Variants in TAFA1 observed in about 807,000 individuals in gnomAD.
TAFA1 encodes the protein TAFA chemokine like family member 1.
Under a neutral mutation model 18.5 loss-of-function variants are expected in TAFA1, and 4 were observed. The ratio of observed to expected loss-of-function variants is 0.22; its 90% CI spans 0.11 to 0.49. TAFA1 has a LOEUF of 0.49. Ranked by LOEUF, TAFA1 falls within the 20% of genes least tolerant of loss-of-function variation. TAFA1 has a pLI of 0.98. For missense variants in TAFA1, 147 were observed against 169.0 expected (o/e 0.87, Z 0.72); for synonymous variants, 56 against 55.2 (o/e 1.01, Z -0.06).
chr3:68,404,703 A>C (rs1327056203), intron 2 of TAFA1, among the ~76,000 whole-genome samples: 1 of 151,940 alleles, frequency 6.6e-6, no homozygotes, highest in African/African-American at 2.4e-5. Context: ...AGGCTGAGGA[A>C]GGAGGGTCGC....
intron 2 of TAFA1, among the ~76,000 whole-genome samples, chr3:68,123,372 G>A (rs1183395692): frequency 1.3e-5 from 2 of 152,054 alleles, no homozygotes; most frequent in South Asian, 2.1e-4. Flanking sequence ...AAAAACACAC[G>A]GATGAAGGAC....
chr3:68,396,652 C>T (rs1047342722), intron 2 of TAFA1, among the ~76,000 whole-genome samples: 1 of 152,112 alleles, frequency 6.6e-6, no homozygotes, highest in Non-Finnish European at 1.5e-5. Context: ...GGACTATAAT[C>T]AACAAAACTG....
chr3:68,234,311 G>T (rs962127686), intron 2 of TAFA1, among the ~76,000 whole-genome samples: 2 of 152,152 alleles, frequency 1.3e-5, no homozygotes, highest in South Asian at 4.1e-4. Context: ...TCAGAGGGAA[G>T]TTGCTTCTAT....
chr3:68,366,085 CAAAAAAAAAA>C (rs35861602), intron 2 of TAFA1, among the ~76,000 whole-genome samples: 2 of 93,852 alleles, frequency 2.1e-5, no homozygotes, highest in African/African-American at 8.4e-5. Flanking sequence ...GACTCCATCT[CAAAAAAAAAA>C]AAAAAAAAAG....
chr3:68,181,359 G>A (rs2066196834), intron 2 of TAFA1, among the ~76,000 whole-genome samples: 1 of 147,664 alleles, frequency 6.8e-6, no homozygotes, highest in South Asian at 2.1e-4. Context: ...GAGAAAGATG[G>A]TGCACTGACT....
intron 2 of TAFA1, among the ~76,000 whole-genome samples, chr3:68,399,195 T>C (rs1392133269): frequency 1.3e-5 from 2 of 152,220 alleles, no homozygotes; most frequent in Non-Finnish European, 2.9e-5. Flanking sequence ...TCCATTTCTT[T>C]TTCATGATTA....
At position 68,350,417 on chromosome 3, in the gene TAFA1, T is replaced by A. The variant is rs112821195; in HGVS notation, c.119-66863T>A. On this transcript the variant is annotated intron_variant, in intron 2 of 4. Coordinates refer to ENST00000478136, the MANE Select transcript of TAFA1 (RefSeq NM_213609.4). Reference sequence around the variant, plus strand: ...CAGAACAGAGTTTCTCAAAGGCTGGTCCTTGGACTTTTTGCAGTAGAATCA... The same window carrying A: ...CAGAACAGAGTTTCTCAAAGGCTGGACCTTGGACTTTTTGCAGTAGAATCA... 2.0e-5 allele frequency among the ~76,000 whole-genome samples: 3 copies of A among 152,286 alleles called. 1 individual carries two copies. The highest frequency in any genetic ancestry group is 7.2e-5 in the African/African-American group (3 of 41,572).
upstream of TAFA1, among the ~76,000 whole-genome samples, chr3:68,001,938 G>A (rs1162113703): frequency 6.6e-6 from 1 of 152,190 alleles, no homozygotes; most frequent in African/African-American, 2.4e-5. Context: ...GAAGAGATCT[G>A]AGGGTGTCAC....
At chr3:68,150,330 T>C (rs74397988) in intron 2 of TAFA1, among the ~76,000 whole-genome samples, 10,609 of 152,268 alleles carry the variant, frequency 0.07, 430 homozygotes, top group Middle Eastern at 0.13. Flanking sequence ...TAAAAATAAA[T>C]GCATCTCAAG....
At chr3:68,140,995 A>G (rs1254015676) in intron 2 of TAFA1, among the ~76,000 whole-genome samples, 1 of 152,178 alleles carries the variant, frequency 6.6e-6, no homozygotes, top group African/African-American at 2.4e-5. Flanking sequence ...ACCAAACCTG[A>G]GTTAGAGAAT....
At chr3:68,442,256 G>C (rs1216983696) in intron 3 of TAFA1, among the ~76,000 whole-genome samples, 1 of 152,130 alleles carries the variant, frequency 6.6e-6, no homozygotes, top group Non-Finnish European at 1.5e-5. Context: ...AGCTGCATCT[G>C]GAGAGGGCTT....
chr3:68,362,765 G>A (rs747919436), intron 2 of TAFA1, among the ~76,000 whole-genome samples: 6 of 152,044 alleles, frequency 3.9e-5, no homozygotes, highest in Non-Finnish European at 8.8e-5. Context: ...ACAAGTGGTT[G>A]GTGGATGATA....
At chr3:68,542,650 G>A (rs1194287299) in intron 4 of TAFA1, among the ~76,000 whole-genome samples, 4 of 152,046 alleles carry the variant, frequency 2.6e-5, no homozygotes, top group Non-Finnish European at 5.9e-5. Context: ...CCTAGAGGTA[G>A]GTCTGTGCCT....
At chr3:68,245,451 A>G (rs2067060080) in intron 2 of TAFA1, among the ~76,000 whole-genome samples, 1 of 152,144 alleles carries the variant, frequency 6.6e-6, no homozygotes, top group Non-Finnish European at 1.5e-5. Context: ...TGTGATTTAC[A>G]TGTTACACCC....
At chr3:68,233,825 G>A (rs1370663488) in intron 2 of TAFA1, among the ~76,000 whole-genome samples, 3 of 152,044 alleles carry the variant, frequency 2.0e-5, no homozygotes, top group Non-Finnish European at 2.9e-5. Context: ...ATGAAGCAAA[G>A]GTTATAGGGC....
intron 2 of TAFA1, among the ~76,000 whole-genome samples, chr3:68,380,767 A>G (rs371434245): frequency 6.6e-6 from 1 of 151,660 alleles, no homozygotes; most frequent in Non-Finnish European, 1.5e-5. Flanking sequence ...GAAGCTCTTT[A>G]GTTTAATTAG....
intron 2 of TAFA1, among the ~76,000 whole-genome samples, chr3:68,262,328 TATATATATATATATATATATA>T (rs2067446524): frequency 5.3e-5 from 4 of 75,426 alleles, no homozygotes; most frequent in Admixed American, 2.1e-4. Flanking sequence ...TATATATATA[TATATATATATATATATATATA>T]TATATATATT....
intron 2 of TAFA1, among the ~76,000 whole-genome samples, chr3:68,129,409 A>G (rs192258292): frequency 1.5e-4 from 23 of 152,346 alleles, no homozygotes; most frequent in Non-Finnish European, 2.6e-4. Context: ...GAACTACTGC[A>G]AGATACTCAA....
chr3:68,308,518 G>A (rs183344958), intron 2 of TAFA1, among the ~76,000 whole-genome samples: 246 of 152,132 alleles, frequency 1.6e-3, no homozygotes, highest in Non-Finnish European at 6.0e-4. Flanking sequence ...CTTCTTATAA[G>A]TACCACATGC....
Sources: gnomAD v4.1 joint callset for allele counts (sites outside exome capture counted in the v4.1 genomes callset) on GRCh38, gnomAD v4.1.1 for gene constraint, MANE v1.5 for transcripts, NCBI Gene and HGNC (gene_info 2026-07-23, HGNC 2026-07-21) for gene names.